The following TNIK variants were observed in gnomAD, a reference collection of about 807,000 sequenced individuals.
The protein encoded by TNIK is TRAF2 and NCK-interacting protein kinase.
A neutral mutation model predicts 191.3 loss-of-function variants in TNIK; 49 were observed. The observed-to-expected ratio is 0.26, with a 90% CI of 0.20 to 0.32. TNIK has a LOEUF of 0.32. TNIK is among the 10% of genes least tolerant of loss of function. The pLI, the probability that TNIK is intolerant of heterozygous loss-of-function variation, is 1.00. For synonymous variants in TNIK, 594 were observed against 600.9 expected (o/e 0.99, Z 0.17); for missense variants, 1,155 against 1,702.3 (o/e 0.68, Z 5.66).
At chr3:171,275,784 C>T (rs976821407) in intron 2 of TNIK, among the ~76,000 whole-genome samples, 9 of 152,016 alleles carry the variant, frequency 5.9e-5, no homozygotes, top group Non-Finnish European at 1.0e-4. Context: ...GTAGTCCCAG[C>T]TACTCGGGAG....
chr3:171,146,203 C>T (rs950563300), intron 12 of TNIK, among the ~76,000 whole-genome samples: 2 of 152,216 alleles, frequency 1.3e-5, no homozygotes, highest in Non-Finnish European at 2.9e-5. Flanking sequence ...ACTGACCCCG[C>T]TCCTGCCTGC....
chr3:171,161,143 C>A (rs73169796), intron 11 of TNIK, 127 bp downstream of exon 11: 38,719 of 844,938 alleles, frequency 0.046, 1,104 homozygotes, highest in South Asian at 0.093. Context: ...TGTTCATGGG[C>A]AATAAATTAA....
intron 1 of TNIK, among the ~76,000 whole-genome samples, chr3:171,448,926 C>T (rs1023319791): frequency 2.0e-5 from 3 of 152,172 alleles, no homozygotes; most frequent in South Asian, 2.1e-4. Context: ...TGACAAGCCC[C>T]GGTGTGTGTT....
intron 2 of TNIK, among the ~76,000 whole-genome samples, chr3:171,237,449 C>G (rs1744409294): frequency 6.6e-6 from 1 of 150,392 alleles, no homozygotes; most frequent in Non-Finnish European, 1.5e-5. Flanking sequence ...AACGGGAACA[C>G]AGTGACAGAT....
At chr3:171,085,089 T>G in intron 25 of TNIK, 29 bp downstream of exon 25, 1 of 1,565,468 alleles carries the variant, frequency 6.4e-7, no homozygotes, top group Non-Finnish European at 8.7e-7. Flanking sequence ...ACGAAGCTGT[T>G]TTTTAAACAC....
chr3:171,069,064 A>C, intron 29 of TNIK, 67 bp from the exon 30 acceptor site: 1 of 1,542,822 alleles, frequency 6.5e-7, no homozygotes, highest in South Asian at 1.3e-5. Flanking sequence ...TCCTTTAGCC[A>C]CTGTCTAGAG....
At chr3:171,087,590 T>A in intron 23 of TNIK, 84 bp from the exon 24 acceptor site, 2 of 1,477,050 alleles carry the variant, frequency 1.4e-6, no homozygotes, top group Non-Finnish European at 1.8e-6. Flanking sequence ...AGCATAGGCA[T>A]ACGGGGCTCC....
intron 1 of TNIK, among the ~76,000 whole-genome samples, chr3:171,386,798 C>A (rs1483592781): frequency 1.3e-5 from 2 of 152,194 alleles, no homozygotes; most frequent in Non-Finnish European, 2.9e-5. Context: ...TACAATTAGA[C>A]ATCTCTATCA....
chr3:171,374,506 T>G (rs926441303), intron 1 of TNIK, among the ~76,000 whole-genome samples: 4 of 152,186 alleles, frequency 2.6e-5, no homozygotes, highest in African/African-American at 9.6e-5. Flanking sequence ...ATGAGCAGCA[T>G]GGAAGAAAGT....
At chr3:171,212,544 G>A (rs1740963537) in intron 3 of TNIK, among the ~76,000 whole-genome samples, 1 of 152,122 alleles carries the variant, frequency 6.6e-6, no homozygotes, top group Non-Finnish European at 1.5e-5. Context: ...TCCCTGATCT[G>A]CCCAGTTTGG....
chr3:171,400,292 C>T (rs965980586), intron 1 of TNIK, among the ~76,000 whole-genome samples: 5 of 152,062 alleles, frequency 3.3e-5, no homozygotes, highest in East Asian at 1.9e-4. Flanking sequence ...AGGCCAGGCA[C>T]GGTAGGTCAC....
intron 2 of TNIK, among the ~76,000 whole-genome samples, chr3:171,276,617 T>A (rs1033070751): frequency 2.0e-5 from 3 of 152,240 alleles, no homozygotes; most frequent in Admixed American, 6.5e-5. Flanking sequence ...ATTAACCTTT[T>A]GATAAAGCTT....
intron 2 of TNIK, among the ~76,000 whole-genome samples, chr3:171,304,983 A>G (rs560424055): frequency 1.5e-4 from 23 of 150,996 alleles, no homozygotes; most frequent in Non-Finnish European, 3.1e-4. Context: ...CGTTGTGTAC[A>G]TGTACCCTAA....
chr3:171,125,314 G>C (rs897405752), intron 17 of TNIK, among the ~76,000 whole-genome samples: 3 of 152,156 alleles, frequency 2.0e-5, no homozygotes, highest in Non-Finnish European at 4.4e-5. Flanking sequence ...GAAAACAAAA[G>C]AACCCAAACT....
intron 2 of TNIK, among the ~76,000 whole-genome samples, chr3:171,354,441 A>G (rs1308643019): frequency 6.6e-6 from 1 of 152,156 alleles, no homozygotes; most frequent in Non-Finnish European, 1.5e-5. Context: ...TCGGAGGGCC[A>G]AAAGGGCAGC....
chr3:171,089,360 A>C (rs545358760), intron 23 of TNIK, among the ~76,000 whole-genome samples: 1 of 152,220 alleles, frequency 6.6e-6, no homozygotes, highest in Non-Finnish European at 1.5e-5. Context: ...TATACTGGGC[A>C]GTTTCTCCTT....
chr3:171,139,378 G>GCACGCACACACACA, intron 14 of TNIK, 92 bp downstream of exon 14: 1 of 691,722 alleles, frequency 1.4e-6, no homozygotes, highest in South Asian at 1.7e-5. Context: ...ACGCACGCGC[G>GCACGCACACACACA]CACACACACA....
intron 15 of TNIK, among the ~76,000 whole-genome samples, chr3:171,129,366 G>A (rs536572215): frequency 3.3e-5 from 5 of 152,282 alleles, no homozygotes; most frequent in Admixed American, 6.5e-5. Flanking sequence ...ATTTCTTCAC[G>A]TGTCCTACTG....
chr3:171,386,500 G>A (rs529248844), intron 1 of TNIK, among the ~76,000 whole-genome samples: 1 of 152,194 alleles, frequency 6.6e-6, no homozygotes, highest in South Asian at 2.1e-4. Flanking sequence ...GAATCTCTAG[G>A]GTTTCCAGTT....
Sources: gnomAD v4.1 joint callset for allele counts (sites outside exome capture counted in the v4.1 genomes callset) on GRCh38, gnomAD v4.1.1 for gene constraint, MANE v1.5 for transcripts, NCBI Gene and HGNC (gene_info 2026-07-23, HGNC 2026-07-21) for gene names.